Variants in ATAD2B observed in about 807,000 individuals in gnomAD.
ATAD2B encodes ATPase family AAA domain-containing protein 2B.
A neutral mutation model predicts 167.6 loss-of-function variants in ATAD2B; 40 were observed. That is an observed-to-expected ratio of 0.24 (90% CI 0.19 to 0.31). The LOEUF (loss-of-function observed/expected upper bound fraction) is 0.31. Ranked by LOEUF, ATAD2B falls within the 10% of genes least tolerant of loss-of-function variation. The pLI is 1.00. For synonymous variants in ATAD2B, 579 were observed against 596.5 expected (o/e 0.97, Z 0.43); for missense variants, 1,242 against 1,757.2 (o/e 0.71, Z 5.24).
chr2:23,706,542 G>A, the ATAD2B span: 98 of 1,536,854 alleles, frequency 6.4e-5, no homozygotes, highest in Middle Eastern at 1.7e-4. Context: ...TGAAGGGCCC[G>A]CGCTGGGCAA....
the ATAD2B span, chr2:23,691,893 CAT>C: frequency 6.5e-7 from 1 of 1,546,152 alleles, no homozygotes. Context: ...CCGGGGGCCA[CAT>C]ATGTCGCTTG....
chr2:23,702,777 G>A, the ATAD2B span, among the ~76,000 whole-genome samples: 1 of 152,208 alleles, frequency 6.6e-6, no homozygotes, highest in Admixed American at 6.5e-5. Context: ...CACCTCGAGG[G>A]CAGGAATGGT....
intron 1 of ATAD2B, among the ~76,000 whole-genome samples, chr2:23,925,837 G>T (rs991284494): frequency 3.3e-5 from 5 of 152,166 alleles, no homozygotes; most frequent in Non-Finnish European, 5.9e-5. Flanking sequence ...TTGGCATGAT[G>T]GTGCTGACTA....
At chr2:23,806,867 C>G (rs1684474818) in intron 18 of ATAD2B, among the ~76,000 whole-genome samples, 1 of 152,180 alleles carries the variant, frequency 6.6e-6, no homozygotes, top group Admixed American at 6.5e-5. Context: ...CAAGTCACAA[C>G]CACAACTGAG....
chr2:23,862,602 A>G (rs938461299), intron 12 of ATAD2B, among the ~76,000 whole-genome samples: 3 of 152,094 alleles, frequency 2.0e-5, no homozygotes, highest in Non-Finnish European at 2.9e-5. Context: ...CGTATAGGAA[A>G]TAATATCTTT....
At chr2:23,859,494 G>A (rs186977690) in intron 12 of ATAD2B, among the ~76,000 whole-genome samples, 1 of 148,788 alleles carries the variant, frequency 6.7e-6, no homozygotes, top group Non-Finnish European at 1.5e-5. Context: ...TTTTTATAGA[G>A]GCAGGGTTTC....
At chr2:23,854,422 A>C (rs1372762572) in intron 13 of ATAD2B, among the ~76,000 whole-genome samples, 2 of 152,084 alleles carry the variant, frequency 1.3e-5, no homozygotes, top group Admixed American at 6.6e-5. Flanking sequence ...TCATGCCTGT[A>C]AGCCCAACAC....
chr2:23,915,812 C>G (rs1408672700), intron 1 of ATAD2B, among the ~76,000 whole-genome samples: 1 of 151,718 alleles, frequency 6.6e-6, no homozygotes, highest in Non-Finnish European at 1.5e-5. Flanking sequence ...AGGCTACTCT[C>G]GAACTCCTGA....
chr2:23,871,728 C>A (rs940566848), intron 8 of ATAD2B, among the ~76,000 whole-genome samples: 8 of 152,214 alleles, frequency 5.3e-5, no homozygotes, highest in African/African-American at 1.7e-4. Flanking sequence ...GTACTCCACT[C>A]CAATGCCCAC....
rs908950359 is a variant in ATAD2B, at chr2:23,751,399, T to C, written c.*647A>G. ...GTATCAAAACTTATTTTCAAGGTTGTGACCAAAGAAATATTTCTAATTTAT... is the reference window on the plus strand; with the variant it reads ...GTATCAAAACTTATTTTCAAGGTTGCGACCAAAGAAATATTTCTAATTTAT... On this transcript the variant is annotated 3_prime_UTR_variant, in exon 28 of 28. Transcript: ENST00000238789. The C allele has an allele frequency of 3.3e-5, 5 of 152,142 alleles. No homozygotes were observed. The highest frequency in any genetic ancestry group is 1.2e-4 in the African/African-American group (5 of 41,434). 9.4% of individuals were successfully genotyped at this position (152,142 alleles called of 1,614,324 possible).
chr2:23,871,566 G>T (rs1695981572), intron 8 of ATAD2B, among the ~76,000 whole-genome samples: 1 of 152,086 alleles, frequency 6.6e-6, no homozygotes, highest in African/African-American at 2.4e-5. Context: ...CATTACACTT[G>T]CTGAATTCCA....
At chr2:23,807,568 C>T (rs554277254) in intron 18 of ATAD2B, among the ~76,000 whole-genome samples, 5 of 151,940 alleles carry the variant, frequency 3.3e-5, no homozygotes, top group African/African-American at 9.6e-5. Context: ...TCTGAAGATA[C>T]TTCTTTGGGA....
rs767920405 is a variant in ATAD2B, at chr2:23,798,343, AAC to A, written c.2455-22_2455-21del. ...AAAAATCTAATTAAGGAAAAAAACC[AAC>A]ATTAAACAACTCAAATTGATTATTC... On this transcript the variant is annotated intron_variant, in intron 18 of 27. Transcript: ENST00000238789. 1.3e-6 allele frequency: 2 copies of A among 1,535,350 alleles called. No individual in the cohort carries two copies. The highest frequency in any genetic ancestry group is 1.8e-6 in the Non-Finnish European group (2 of 1,123,678).
chr2:23,695,809 C>T, the ATAD2B span: 1 of 1,549,100 alleles, frequency 6.5e-7, no homozygotes, highest in Non-Finnish European at 8.7e-7. This position sits in a 1 kb window ranked among gnomAD's most constrained non-coding sequence, Gnocchi z 7.6. Flanking sequence ...AACCCGGCCG[C>T]GCCTCTCTGC....
rs560224239 is a variant in ATAD2B at position 23,823,601 on chromosome 2, T to C, written c.1820-32A>G. On this transcript the variant is annotated intron_variant, in intron 15 of 27. Transcript: ENST00000238789. ...CACAAAAGGAGAAGGATAGCAAAGG[T>C]ACATTCATTATTCCATGCACCAACT... 6 of 1,575,680 alleles carry C rather than the reference T, an allele frequency of 3.8e-6. No homozygotes were observed. In the South Asian group the frequency reaches 6.7e-5, roughly 18 times the overall value.
At chr2:23,808,101 ATAAG>A (rs1158622803) in intron 18 of ATAD2B, among the ~76,000 whole-genome samples, 45 of 130,610 alleles carry the variant, frequency 3.4e-4, no homozygotes, top group African/African-American at 9.1e-4. Context: ...AATTATATAT[ATAAG>A]TAATTATATA....
chr2:23,720,050 G>A, the ATAD2B span, among the ~76,000 whole-genome samples: 1 of 152,184 alleles, frequency 6.6e-6, no homozygotes, highest in Admixed American at 6.5e-5. Flanking sequence ...TAGGGCTGAG[G>A]TAAACCTGGG....
chr2:23,696,121 A>T, the ATAD2B span: 1 of 1,551,552 alleles, frequency 6.4e-7, no homozygotes, highest in Non-Finnish European at 8.7e-7. This position sits in a 1 kb window ranked among gnomAD's most constrained non-coding sequence, Gnocchi z 5.5. Context: ...AGGGGACAAC[A>T]TCTACCTCTC....
the ATAD2B span, among the ~76,000 whole-genome samples, chr2:23,692,976 G>A: frequency 6.6e-6 from 1 of 152,188 alleles, no homozygotes; most frequent in Non-Finnish European, 1.5e-5. Flanking sequence ...CCCAGGCCCA[G>A]GCTCTGAGCA....
Sources: gnomAD v4.1 joint callset for allele counts (sites outside exome capture counted in the v4.1 genomes callset) on GRCh38, gnomAD v4.1.1 for gene constraint, Gnocchi (gnomAD v3.1) non-coding constraint, MANE v1.5 for transcripts, NCBI Gene and HGNC (gene_info 2026-07-23, HGNC 2026-07-21) for gene names.